The following NEMF variants were observed in gnomAD, a reference collection of about 807,000 sequenced individuals.
NEMF encodes the protein nuclear export mediator factor, also known as ribosome quality control complex subunit NEMF.
A neutral mutation model predicts 162.2 loss-of-function variants in NEMF; 89 were observed. That is an observed-to-expected ratio of 0.55 (90% CI 0.46 to 0.65). The LOEUF (loss-of-function observed/expected upper bound fraction) is 0.65, where lower values mean the gene tolerates loss of function less well. NEMF is among the 30% of genes least tolerant of loss of function. NEMF has a pLI of 0.00. For synonymous variants in NEMF, 421 were observed against 404.5 expected, an observed-to-expected ratio of 1.04 and a Z score of -0.49; for missense variants, 1,133 against 1,261.9, an observed-to-expected ratio of 0.90 and a Z score of 1.55.
intron 10 of NEMF, 32 bp downstream of exon 10, chr14:49,832,019 T>A: frequency 6.8e-7 from 1 of 1,476,180 alleles, no homozygotes; most frequent in Non-Finnish European, 9.2e-7. Flanking sequence ...TCATGCTAAC[T>A]AACTGGTAAA....
chr14:49,839,323 C>T (rs992479438), intron 5 of NEMF: 6 of 152,042 alleles, frequency 3.9e-5, no homozygotes, highest in Admixed American at 2.6e-4. Context: ...TCAGGTGATC[C>T]ATCCTCCTCG....
intron 18 of NEMF, among the ~76,000 whole-genome samples, chr14:49,811,740 A>G (rs1373645414): frequency 6.6e-6 from 1 of 152,214 alleles, no homozygotes; most frequent in Non-Finnish European, 1.5e-5. Flanking sequence ...AGATTATATT[A>G]CATTAATTTC....
chr14:49,801,820 A>G (rs185262984), intron 22 of NEMF, among the ~76,000 whole-genome samples: 1 of 152,312 alleles, frequency 6.6e-6, no homozygotes, highest in East Asian at 1.9e-4. Flanking sequence ...TAATTCCTAA[A>G]CCCAAAACTA....
At chr14:49,790,424 G>A (rs940892842) in intron 26 of NEMF, among the ~76,000 whole-genome samples, 2 of 152,052 alleles carry the variant, frequency 1.3e-5, no homozygotes, top group Non-Finnish European at 2.9e-5. Context: ...ATGAGAAAGC[G>A]CTCAATATCA....
chr14:49,819,746 GGAGA>G (rs1000531676), intron 16 of NEMF, among the ~76,000 whole-genome samples: 1 of 152,114 alleles, frequency 6.6e-6, no homozygotes, highest in Non-Finnish European at 1.5e-5. Context: ...ATTGTGAAAA[GGAGA>G]GAGTTCTGAA....
intron 3 of NEMF, 99 bp from the exon 4 acceptor site, chr14:49,846,364 T>C (rs948320164): frequency 2.9e-5 from 32 of 1,108,986 alleles, no homozygotes; most frequent in Non-Finnish European, 3.7e-5. Context: ...TCATCAGGAA[T>C]ATTTAAAACG....
chr14:49,809,236 G>T (rs769898156), intron 18 of NEMF, among the ~76,000 whole-genome samples: 1 of 152,212 alleles, frequency 6.6e-6, no homozygotes, highest in South Asian at 2.1e-4. Flanking sequence ...GATGTTTATA[G>T]TAGCTTTATT....
chr14:49,844,812 G>C lies in NEMF; in HGVS notation c.357+1328C>G, dbSNP rs187399742. The C allele has an allele frequency of 1.5e-3, 649 of 425,926 alleles. 1 individual carries two copies. Among genetic ancestry groups the C allele is most frequent in the Middle Eastern group, 3.8e-3 (5 of 1,312 alleles). The allele number at this position is 425,926 out of a possible 1,614,324, so 26.4% of individuals were successfully genotyped here. On this transcript the variant is annotated intron_variant, in intron 4 of 32. Transcript: ENST00000298310. ...GAGACTGAATCTCACTCTGTCACCT[G>C]AGCTGGAGTACAATGGCATGATCTC...
chr14:49,817,988 T>C (rs930763764), intron 16 of NEMF, among the ~76,000 whole-genome samples: 1 of 151,730 alleles, frequency 6.6e-6, no homozygotes. Flanking sequence ...AGGATAATCC[T>C]AGTCATCAAC....
chr14:49,786,822 A>T, intron 28 of NEMF, 72 bp from the exon 29 acceptor site: 1 of 1,403,334 alleles, frequency 7.1e-7, no homozygotes, highest in Admixed American at 1.8e-5. Flanking sequence ...TTAAACCATA[A>T]GGAGAAAGAA....
At chr14:49,821,810 A>G (rs1322747556) in intron 16 of NEMF, among the ~76,000 whole-genome samples, 1 of 151,804 alleles carries the variant, frequency 6.6e-6, no homozygotes, top group Non-Finnish European at 1.5e-5. Context: ...GGGAGGAGGT[A>G]CCCAACAGCT....
intron 6 of NEMF, among the ~76,000 whole-genome samples, chr14:49,837,135 G>A (rs1454486732): frequency 6.6e-6 from 1 of 152,070 alleles, no homozygotes; most frequent in East Asian, 1.9e-4. Context: ...AATTAGCTGA[G>A]CGTGGTGGCA....
chr14:49,811,718 TC>T (rs1332519604), intron 18 of NEMF, among the ~76,000 whole-genome samples: 2 of 152,214 alleles, frequency 1.3e-5, no homozygotes, highest in African/African-American at 4.8e-5. Flanking sequence ...GTGTTTTTTG[TC>T]CTTTATTAGT....
chr14:49,812,942 A>AT (rs1349177464), intron 18 of NEMF, among the ~76,000 whole-genome samples: 4 of 151,942 alleles, frequency 2.6e-5, no homozygotes, highest in Admixed American at 2.0e-4. Context: ...CACCCAGCTA[A>AT]TTTTTTGTAT....
intron 24 of NEMF, 25 bp downstream of exon 24, chr14:49,799,611 C>A: frequency 6.2e-7 from 1 of 1,603,782 alleles, no homozygotes; most frequent in East Asian, 2.2e-5. Flanking sequence ...ATCGGATGTT[C>A]TTCATAAAAC....
chr14:49,848,950 C>A (rs1290069234), intron 3 of NEMF, among the ~76,000 whole-genome samples: 4 of 141,466 alleles, frequency 2.8e-5, no homozygotes, highest in Middle Eastern at 7.2e-3. Context: ...TGAAAAAAAA[C>A]AACAATAAAC....
At chr14:49,790,202 A>G (rs1890375791) in intron 26 of NEMF, among the ~76,000 whole-genome samples, 1 of 152,214 alleles carries the variant, frequency 6.6e-6, no homozygotes, top group African/African-American at 2.4e-5. Flanking sequence ...ATCAGACTCA[A>G]TTAGAATTTA....
In NEMF at chr14:49,852,636, G is replaced by A; in HGVS notation, c.59+59C>T. On this transcript the variant is annotated intron_variant, in intron 1 of 32. Transcript: ENST00000298310. ...TCAAGCTGGTCTGTTTGCGCCATGG[G>A]ACTCCGGCCTCTGCCTCCTGCACTC... is the stretch of plus-strand genomic sequence containing the variant. 6 of 1,570,854 alleles carry A rather than the reference G, an allele frequency of 3.8e-6. No homozygotes were observed. The South Asian group carries it at 6.7e-5, about 17-fold the overall frequency.
At chr14:49,846,643 T>C (rs1893516831) in intron 3 of NEMF, among the ~76,000 whole-genome samples, 1 of 151,074 alleles carries the variant, frequency 6.6e-6, no homozygotes. Flanking sequence ...TTTTTCATTA[T>C]TTGTAGAGAC....
Sources: allele counts gnomAD v4.1 joint callset (sites outside exome capture counted in the v4.1 genomes callset), GRCh38; gene constraint gnomAD v4.1.1; transcripts MANE v1.5; gene names NCBI Gene and HGNC (gene_info 2026-07-23, HGNC 2026-07-21).